The following COX10 variants were observed in gnomAD, a reference collection of about 807,000 sequenced individuals.
The protein encoded by COX10 is protoheme IX farnesyltransferase, mitochondrial.
COX10 carries 27 observed loss-of-function variants against 37.3 expected under a neutral mutation model. The ratio of observed to expected loss-of-function variants is 0.72; its 90% CI spans 0.53 to 1.00. COX10 has a LOEUF of 1.00. COX10 is among the 50% of genes least tolerant of loss of function. COX10 has a pLI of 0.00. For synonymous variants in COX10, 222 were observed against 229.1 expected (o/e 0.97, Z 0.28); for missense variants, 475 against 563.2 (o/e 0.84, Z 1.59).
intron 5 of COX10, among the ~76,000 whole-genome samples, chr17:14,164,604 C>A (rs1854714313): frequency 6.6e-6 from 1 of 152,070 alleles, no homozygotes; most frequent in South Asian, 2.1e-4. Flanking sequence ...CAGATTTCAT[C>A]ATTTGGGATT....
chr17:14,163,660 G>A (rs2142242103), intron 5 of COX10, among the ~76,000 whole-genome samples: 1 of 152,268 alleles, frequency 6.6e-6, no homozygotes, highest in East Asian at 1.9e-4. Flanking sequence ...TATTCTCCAA[G>A]GAGAGCCATG....
At chr17:14,120,069 T>TG (rs1916197810) in intron 4 of COX10, among the ~76,000 whole-genome samples, 1 of 151,886 alleles carries the variant, frequency 6.6e-6, no homozygotes, top group Non-Finnish European at 1.5e-5. Flanking sequence ...TTAGCAGTGG[T>TG]GGAAAGAGAG....
chr17:14,075,609 A>G (rs1915125600), intron 2 of COX10, among the ~76,000 whole-genome samples: 1 of 152,186 alleles, frequency 6.6e-6, no homozygotes, highest in African/African-American at 2.4e-5. Flanking sequence ...GTACTTCACA[A>G]ATATTAGCAG....
intron 5 of COX10, among the ~76,000 whole-genome samples, chr17:14,172,671 C>T (rs1471955156): frequency 6.7e-6 from 1 of 149,888 alleles, no homozygotes; most frequent in Non-Finnish European, 1.5e-5. Context: ...CCTTAACCTC[C>T]AGAACTCGTG....
intron 3 of COX10, among the ~76,000 whole-genome samples, chr17:14,081,550 G>A (rs1915295971): frequency 1.3e-5 from 2 of 152,138 alleles, no homozygotes; most frequent in South Asian, 4.1e-4. Context: ...TTCTGTGAGA[G>A]TCAGATTCTA....
intron 4 of COX10, among the ~76,000 whole-genome samples, chr17:14,140,300 A>G (rs1904499828): frequency 6.6e-6 from 1 of 152,168 alleles, no homozygotes; most frequent in Non-Finnish European, 1.5e-5. Flanking sequence ...TAAACTGTAA[A>G]TTATATTAGT....
chr17:14,193,308 A>C (rs1477206910), intron 6 of COX10, among the ~76,000 whole-genome samples: 1 of 152,130 alleles, frequency 6.6e-6, no homozygotes, highest in Non-Finnish European at 1.5e-5. Context: ...CTCATCTCCC[A>C]CATGGGGCTA....
chr17:14,117,866 G>A (rs1354658600), intron 4 of COX10, among the ~76,000 whole-genome samples: 1 of 152,118 alleles, frequency 6.6e-6, no homozygotes, highest in African/African-American at 2.4e-5. Context: ...GATCACATGT[G>A]GGCTTGGAGG....
chr17:14,109,092 C>T (rs1915959152), intron 4 of COX10, among the ~76,000 whole-genome samples: 1 of 152,126 alleles, frequency 6.6e-6, no homozygotes, highest in African/African-American at 2.4e-5. Flanking sequence ...TGCTGGGCAA[C>T]TTGCATTCAT....
intron 4 of COX10, among the ~76,000 whole-genome samples, chr17:14,108,586 C>T (rs1915946842): frequency 6.6e-6 from 1 of 151,796 alleles, no homozygotes; most frequent in African/African-American, 2.4e-5. Flanking sequence ...AATGAAAGAT[C>T]AAGAGGTGTG....
chr17:14,073,095 G>A (rs1012582276), intron 1 of COX10, among the ~76,000 whole-genome samples: 4 of 152,206 alleles, frequency 2.6e-5, no homozygotes, highest in Non-Finnish European at 4.4e-5. Context: ...TGTTGCTTTG[G>A]TGGGTTGTGT....
intron 6 of COX10, among the ~76,000 whole-genome samples, chr17:14,199,132 G>A (rs1906454415): frequency 6.6e-6 from 1 of 152,006 alleles, no homozygotes. Flanking sequence ...CCCCAGATTG[G>A]TGGTATAATT....
At chr17:14,206,318 C>T (rs968149517) in intron 6 of COX10, among the ~76,000 whole-genome samples, 3 of 152,152 alleles carry the variant, frequency 2.0e-5, no homozygotes, top group Non-Finnish European at 2.9e-5. Context: ...CCTGAAGCCA[C>T]ACACCCGGGT....
At chr17:14,154,381 G>T (rs536337684) in intron 4 of COX10, among the ~76,000 whole-genome samples, 2 of 152,264 alleles carry the variant, frequency 1.3e-5, no homozygotes, top group South Asian at 4.1e-4. Context: ...TTGCTATGTT[G>T]TAAAATTATA....
chr17:14,110,569 AC>A (rs1260054102), intron 4 of COX10, among the ~76,000 whole-genome samples: 1 of 151,904 alleles, frequency 6.6e-6, no homozygotes, highest in African/African-American at 2.4e-5. Context: ...TCTCCCCACC[AC>A]CCCCACCTAG....
chr17:14,115,966 G>A (rs2142209234), intron 4 of COX10, among the ~76,000 whole-genome samples: 1 of 152,238 alleles, frequency 6.6e-6, no homozygotes, highest in South Asian at 2.1e-4. Flanking sequence ...CTTCACCACT[G>A]TGCAATCTAT....
At chr17:14,078,531 C>T (rs1915208060) in intron 3 of COX10, among the ~76,000 whole-genome samples, 1 of 152,162 alleles carries the variant, frequency 6.6e-6, no homozygotes, top group African/African-American at 2.4e-5. Context: ...TAATTTCTGT[C>T]ACCAGCAGAA....
intron 5 of COX10, among the ~76,000 whole-genome samples, chr17:14,170,367 A>G (rs1905425471): frequency 6.6e-6 from 1 of 152,196 alleles, no homozygotes; most frequent in African/African-American, 2.4e-5. Context: ...AATTTTACAA[A>G]TTTTTATGTA....
intron 4 of COX10, among the ~76,000 whole-genome samples, chr17:14,118,169 G>A (rs1916154012): frequency 6.6e-6 from 1 of 151,984 alleles, no homozygotes; most frequent in African/African-American, 2.4e-5. Context: ...CAGGATAGGT[G>A]GGCATCGCAG....
Sources: allele counts gnomAD v4.1 joint callset (sites outside exome capture counted in the v4.1 genomes callset), GRCh38; gene constraint gnomAD v4.1.1; transcripts MANE v1.5; gene names NCBI Gene and HGNC (gene_info 2026-07-23, HGNC 2026-07-21).